The following KCTD1 variants were observed in gnomAD, a reference collection of about 807,000 sequenced individuals.
KCTD1 encodes the protein BTB/POZ domain-containing protein KCTD1.
A neutral mutation model predicts 66.0 loss-of-function variants in KCTD1; 24 were observed. That is an observed-to-expected ratio of 0.36 (90% confidence interval 0.26 to 0.51). KCTD1 has a LOEUF of 0.51. KCTD1 is among the 20% of genes least tolerant of loss of function. The pLI is 0.95. For synonymous variants in KCTD1, 511 were observed against 517.2 expected (o/e 0.99, Z 0.16); for missense variants, 943 against 1,205.2 (o/e 0.78, Z 3.22).
At chr18:26,656,866 A>G (rs1313957411) in intron 1 of KCTD1, among the ~76,000 whole-genome samples, 1 of 138,036 alleles carries the variant, frequency 7.2e-6, no homozygotes, top group African/African-American at 2.6e-5. Context: ...GCGCCGGGGA[A>G]GAAAGGGACG....
intron 1 of KCTD1, among the ~76,000 whole-genome samples, chr18:26,513,002 C>T (rs764963472): frequency 4.8e-4 from 73 of 151,658 alleles, no homozygotes; most frequent in Admixed American, 1.1e-3. Flanking sequence ...TTTTTTCAAT[C>T]AAATTATGCC....
chr18:26,600,877 C>T lies in KCTD1; in HGVS notation c.-16+28270G>A, dbSNP rs184503487. ...AGTGTCCCTCTGCCCCCTTCCATCC[C>T]CAACCACATTTTACTGTAGCATTGC... On this transcript the variant is annotated intron_variant, in intron 1 of 4. Coordinates refer to the KCTD1 transcript ENST00000317932. 7.9e-5 allele frequency among the ~76,000 whole-genome samples: 12 copies of T among 152,234 alleles called. No individual in the cohort carries two copies. The East Asian group carries it at 2.1e-3, about 27-fold the overall frequency.
At position 26,478,799 on chromosome 18, in the gene KCTD1, C is replaced by CT. The variant is rs954861302; in HGVS notation, c.1989-2141dup. Among the ~76,000 whole-genome samples, 15 of 152,270 alleles carry CT rather than the reference C, an allele frequency of 9.9e-5. No individual in the cohort carries two copies. The East Asian group carries it at 1.2e-3, about 12-fold the overall frequency. On this transcript the variant is annotated intron_variant, in intron 2 of 4. Transcript: ENST00000580059. ...AGTCTCACTTTGTTTTATAAAATAA[C>CT]TTTAACTTTTTCTCAGGGTTGATGA...
intron 1 of KCTD1, among the ~76,000 whole-genome samples, chr18:26,645,816 C>T (rs1179351875): frequency 6.6e-6 from 1 of 152,078 alleles, no homozygotes; most frequent in Non-Finnish European, 1.5e-5. Context: ...TGGGAACCTG[C>T]TAGAAATGCA....
At chr18:26,629,680 C>T (rs192718284), upstream of KCTD1, among the ~76,000 whole-genome samples, 2 of 151,268 alleles carry the variant, frequency 1.3e-5, no homozygotes, top group African/African-American at 4.9e-5. Context: ...AAGGGACCAG[C>T]ATGTGCAAAG....
chr18:26,646,801 T>C (rs1396127421), intron 1 of KCTD1, among the ~76,000 whole-genome samples: 1 of 152,214 alleles, frequency 6.6e-6, no homozygotes, highest in Non-Finnish European at 1.5e-5. Context: ...CTAGAAACAT[T>C]CTGTTTCTAA....
intron 1 of KCTD1, 65 bp from the exon 2 acceptor site, chr18:26,501,315 T>A: frequency 1.5e-6 from 2 of 1,364,834 alleles, no homozygotes; most frequent in Non-Finnish European, 2.0e-6. Context: ...GAAATACATA[T>A]AGCATAAAGA....
chr18:26,560,153 AC>A (rs59078551), intron 1 of KCTD1, among the ~76,000 whole-genome samples: 54,194 of 144,688 alleles, frequency 0.37, 10,685 homozygotes, highest in Non-Finnish European at 0.47. Flanking sequence ...AAAAAAAAAA[AC>A]AAAACAGATA....
At chr18:26,480,072 A>C (rs1386470701) in intron 2 of KCTD1, among the ~76,000 whole-genome samples, 1 of 147,896 alleles carries the variant, frequency 6.8e-6, no homozygotes, top group Non-Finnish European at 1.5e-5. Context: ...CACTCATTGA[A>C]TCAAGTGGCA....
At chr18:26,585,595 A>G (rs1283210285) in intron 1 of KCTD1, among the ~76,000 whole-genome samples, 1 of 152,238 alleles carries the variant, frequency 6.6e-6, no homozygotes, top group Non-Finnish European at 1.5e-5. Context: ...GACCAGGTAC[A>G]ATACCAAGAA....
chr18:26,462,585 G>T (rs548175435), intron 3 of KCTD1, among the ~76,000 whole-genome samples: 17 of 152,184 alleles, frequency 1.1e-4, no homozygotes, highest in Non-Finnish European at 2.1e-4. Flanking sequence ...GATCCTTCTT[G>T]CTGCGTTACC....
At chr18:26,533,541 G>A (rs919251258) in intron 1 of KCTD1, among the ~76,000 whole-genome samples, 47 of 152,126 alleles carry the variant, frequency 3.1e-4, no homozygotes, top group African/African-American at 1.1e-3. Flanking sequence ...CCTCTGTAGC[G>A]CAGGCTGTAG....
intron 2 of KCTD1, among the ~76,000 whole-genome samples, chr18:26,496,416 A>C (rs1982475281): frequency 6.6e-6 from 1 of 152,176 alleles, no homozygotes. Flanking sequence ...TGGGGATTAC[A>C]ATTCAAAATG....
chr18:26,648,168 C>T (rs1480611347), intron 1 of KCTD1, among the ~76,000 whole-genome samples: 5 of 152,118 alleles, frequency 3.3e-5, no homozygotes, highest in African/African-American at 1.2e-4. Flanking sequence ...GATCTTCTTA[C>T]CTCTTCATCA....
intron 4 of KCTD1, 118 bp downstream of exon 4, chr18:26,459,502 G>C (rs1252376575): frequency 1.1e-6 from 1 of 938,386 alleles, no homozygotes; most frequent in Non-Finnish European, 1.6e-6. Flanking sequence ...CTACCCAACA[G>C]AAGTGTCACT....
chr18:26,539,548 T>C (rs904288444), intron 1 of KCTD1, among the ~76,000 whole-genome samples: 1 of 152,206 alleles, frequency 6.6e-6, no homozygotes, highest in Admixed American at 6.5e-5. Context: ...ACAGAACCAG[T>C]TAGAGATTGT....
At chr18:26,541,091 C>T (rs1202254941) in intron 1 of KCTD1, among the ~76,000 whole-genome samples, 1 of 152,158 alleles carries the variant, frequency 6.6e-6, no homozygotes, top group African/African-American at 2.4e-5. Context: ...CAGCCCTCTC[C>T]TTCCAGGTCT....
chr18:26,650,588 A>C (rs1303571249), intron 1 of KCTD1, among the ~76,000 whole-genome samples: 2 of 152,254 alleles, frequency 1.3e-5, no homozygotes, highest in South Asian at 4.1e-4. Flanking sequence ...AGAGAGATTC[A>C]GTAATTTAAC....
At chr18:26,570,130 G>A (rs928602817) in intron 1 of KCTD1, among the ~76,000 whole-genome samples, 4 of 150,364 alleles carry the variant, frequency 2.7e-5, no homozygotes, top group African/African-American at 9.8e-5. Flanking sequence ...AGGTTGCAGT[G>A]AGATGAAATT....
Sources: gnomAD v4.1 joint callset for allele counts (sites outside exome capture counted in the v4.1 genomes callset) on GRCh38, gnomAD v4.1.1 for gene constraint, MANE v1.5 for transcripts, NCBI Gene and HGNC (gene_info 2026-07-23, HGNC 2026-07-21) for gene names.